Variants in FAM169A observed in about 807,000 individuals in gnomAD.
FAM169A encodes the protein soluble lamin-associated protein of 75 kDa.
In FAM169A, 24 loss-of-function variants were observed where a neutral mutation model predicts 75.7. The ratio of observed to expected loss-of-function variants is 0.32; its 90% confidence interval spans 0.23 to 0.45. FAM169A has a LOEUF of 0.45. Among genes scored for constraint, FAM169A ranks in the 20% least tolerant of loss-of-function variants. The pLI is 1.00. For synonymous variants in FAM169A, 271 were observed against 271.0 expected, an observed-to-expected ratio of 1.00 and a Z score of 0.00; for missense variants, 673 against 784.0, an observed-to-expected ratio of 0.86 and a Z score of 1.69.
chr5:74,799,287 A>G lies in FAM169A; in HGVS notation c.1103+1593T>C, dbSNP rs1376444772. 4.5e-6 allele frequency: 7 copies of G among 1,563,906 alleles called. No homozygotes were observed. The African/African-American group carries it at 9.5e-5, about 21-fold the overall frequency. ...TGATGATCCTGAGAATTAATCGCAC[A>G]GCTACTTTTGTGAAGTGGTCCGCCC... On this transcript the variant is annotated intron_variant, in intron 10 of 12. Transcript: ENST00000687041.
At chr5:74,791,248 C>T (rs1745959726) in intron 11 of FAM169A, among the ~76,000 whole-genome samples, 1 of 152,166 alleles carries the variant, frequency 6.6e-6, no homozygotes, top group African/African-American at 2.4e-5. Flanking sequence ...GCTGGGTATG[C>T]TCTGAATAAG....
At position 74,805,258 on chromosome 5, in the gene FAM169A, G is replaced by T. The variant is rs1427648595; in HGVS notation, c.697C>A (p.Pro233Thr). 1.2e-6 allele frequency: 2 copies of T among 1,613,274 alleles called. No homozygotes were observed. Among genetic ancestry groups the T allele is most frequent in the East Asian group, 4.5e-5 (2 of 44,856 alleles). Reference protein sequence around the residue: ...TACKQYFEKYPGDHELLWEVE... With the variant: ...TACKQYFEKYTGDHELLWEVE... ...TCCCAAAGGAGTTCATGGTCTCCTG[G>T]ATACTTCTCAAAGTATTGCTTGCAA... Residue 233 changes from proline (P) to threonine (T), a missense_variant, in exon 7 of 13, where the codon CCA becomes ACA. This residue lies in a region of FAM169A where 510 missense variants were observed against 550.9 expected (regional missense o/e 0.93). Coordinates refer to ENST00000687041, the MANE Select transcript of FAM169A (RefSeq NM_001376049.1).
chr5:74,805,524 C>CTTTTTTTTTTTTTTTTTTTTTTTTTT lies in FAM169A; in HGVS notation c.671-241_671-240insAAAAAAAAAAAAAAAAAAAAAAAAAA, dbSNP rs1194674402. 4.9e-5 allele frequency among the ~76,000 whole-genome samples: 4 copies of CTTTTTTTTTTTTTTTTTTTTTTTTTT among 81,932 alleles called. 1 individual carries two copies. The highest frequency in any genetic ancestry group is 2.2e-4 in the African/African-American group (4 of 18,424). 53.8% of individuals were successfully genotyped at this position (81,932 alleles called of 152,430 possible). A position where few individuals can be genotyped will look rare whatever the true frequency, so the allele number is the denominator to read the frequency against. ...AAAAATCCTTTAAAAATGTGCTTCG[C>CTTTTTTTTTTTTTTTTTTTTTTTTTT]TTTTTTTTTTTTTTTTTTTTTTTGG... On this transcript the variant is annotated intron_variant, in intron 6 of 12. Coordinates refer to ENST00000687041, the MANE Select transcript of FAM169A (RefSeq NM_001376049.1).
chr5:74,799,933 G>A (rs1746475574), intron 10 of FAM169A: 1 of 841,124 alleles, frequency 1.2e-6, no homozygotes, highest in Non-Finnish European at 2.1e-6. Flanking sequence ...ACGACTGAGG[G>A]CTCCAACATG....
At chr5:74,858,178 G>A (rs1488889084) in intron 1 of FAM169A, among the ~76,000 whole-genome samples, 1 of 151,822 alleles carries the variant, frequency 6.6e-6, no homozygotes, top group East Asian at 1.9e-4. Flanking sequence ...ACGAGATCAG[G>A]AGTTTGAGAC....
At chr5:74,841,099 A>G (rs1277104445) in intron 2 of FAM169A, among the ~76,000 whole-genome samples, 1 of 152,226 alleles carries the variant, frequency 6.6e-6, no homozygotes, top group Non-Finnish European at 1.5e-5. Context: ...TAATGGTTCC[A>G]AGTCTAATGA....
intron 2 of FAM169A, 86 bp downstream of exon 2, chr5:74,841,457 CTT>C: frequency 9.5e-7 from 1 of 1,047,132 alleles, no homozygotes; most frequent in South Asian, 2.3e-5. Context: ...ATGATTAACA[CTT>C]AAAATGATTT....
intron 5 of FAM169A, among the ~76,000 whole-genome samples, chr5:74,818,799 C>CTATATATA (rs1171146661): frequency 1.2e-4 from 15 of 125,974 alleles, no homozygotes; most frequent in South Asian, 2.5e-4. Context: ...CTCTCTCTCT[C>CTATATATA]TCTCTATATA....
At chr5:74,810,475 C>T (rs556021209) in intron 6 of FAM169A, among the ~76,000 whole-genome samples, 26 of 152,048 alleles carry the variant, frequency 1.7e-4, no homozygotes, top group Non-Finnish European at 3.2e-4. Flanking sequence ...GTAGGCTGGG[C>T]GCGGTGGCTC....
chr5:74,805,391 C>T (rs553088869), intron 6 of FAM169A, 107 bp from the exon 7 acceptor site: 8 of 895,584 alleles, frequency 8.9e-6, no homozygotes, highest in Non-Finnish European at 1.3e-5. Flanking sequence ...CTAGCATAAC[C>T]TTGATACCAA....
intron 5 of FAM169A, among the ~76,000 whole-genome samples, chr5:74,826,442 T>C (rs191015511): frequency 1.3e-5 from 2 of 152,294 alleles, no homozygotes; most frequent in South Asian, 2.1e-4. Context: ...AGGGGAACCA[T>C]TTATATTGGT....
rs1322382544 is a variant in FAM169A at position 74,778,666 on chromosome 5, T to C, written c.*2794A>G. 3 of 152,098 alleles carry C rather than the reference T, an allele frequency of 2.0e-5. No individual in the cohort carries two copies. Among genetic ancestry groups the C allele is most frequent in the East Asian group, 3.8e-4 (2 of 5,198 alleles). 9.4% of individuals were successfully genotyped at this position (152,098 alleles called of 1,614,324 possible). On this transcript the variant is annotated 3_prime_UTR_variant, in exon 13 of 13. Transcript: ENST00000687041. Reference sequence around the variant, plus strand: ...GAGCTTTATAATAAATTCTTAAATATACTAATTTCTGTGATGTCTAGCAAT... The same window carrying C: ...GAGCTTTATAATAAATTCTTAAATACACTAATTTCTGTGATGTCTAGCAAT...
chr5:74,784,704 G>A (rs1172580468), intron 11 of FAM169A, among the ~76,000 whole-genome samples: 1 of 149,776 alleles, frequency 6.7e-6, no homozygotes, highest in Non-Finnish European at 1.5e-5. Flanking sequence ...GGATCACAAG[G>A]TCAGGAGATC....
chr5:74,799,852 A>G, intron 10 of FAM169A: 3 of 1,018,030 alleles, frequency 2.9e-6, no homozygotes, highest in South Asian at 2.5e-5. Context: ...TCCAAGTTAG[A>G]CATTCCAAAA....
At chr5:74,845,747 A>G (rs902862978) in intron 1 of FAM169A, among the ~76,000 whole-genome samples, 2 of 152,208 alleles carry the variant, frequency 1.3e-5, no homozygotes, top group East Asian at 3.8e-4. Context: ...TTTGCAGCCA[A>G]CTTTTCAAAA....
At chr5:74,797,953 C>T (rs1746364671) in intron 10 of FAM169A, among the ~76,000 whole-genome samples, 1 of 152,140 alleles carries the variant, frequency 6.6e-6, no homozygotes, top group African/African-American at 2.4e-5. Flanking sequence ...GCATGGGTGT[C>T]TTACAAAAAA....
Position 74,781,975 on chromosome 5 carries a change from C to T in FAM169A, c.1498G>A (p.Asp500Asn), listed in dbSNP as rs752927250. 3 of 1,613,138 alleles carry T rather than the reference C, an allele frequency of 1.9e-6. No individual in the cohort carries two copies. In the South Asian group the frequency reaches 3.3e-5, roughly 18 times the overall value. Residue 500 changes from aspartate (D) to asparagine (N), a missense_variant, in exon 13 of 13, where the codon GAT (aspartate) becomes AAT (asparagine). Physicochemically the swap from Asp to Asn is conservative, Grantham distance 23. Coordinates refer to ENST00000687041, the MANE Select transcript of FAM169A (RefSeq NM_001376049.1). Reference protein sequence around the residue: ...PRIPDSEMLMDEGTSDEKGHM... With the variant: ...PRIPDSEMLMNEGTSDEKGHM... Reference sequence around the variant, plus strand: ...CCCTTTTCATCAGATGTGCCTTCATCCATCAACATTTCTGAGTCAGGTATA... The same window carrying T: ...CCCTTTTCATCAGATGTGCCTTCATTCATCAACATTTCTGAGTCAGGTATA...
At chr5:74,799,257 A>G in intron 10 of FAM169A, 1 of 1,514,692 alleles carries the variant, frequency 6.6e-7, no homozygotes, top group Admixed American at 1.7e-5. Flanking sequence ...TCTGGAAGCC[A>G]ACACTGATGA....
At chr5:74,814,769 T>C (rs545059168) in intron 5 of FAM169A, among the ~76,000 whole-genome samples, 8 of 152,354 alleles carry the variant, frequency 5.3e-5, no homozygotes, top group African/African-American at 1.4e-4. Context: ...ACCATTCCAA[T>C]AGATGTATTA....
Sources: gnomAD v4.1 joint callset for allele counts (sites outside exome capture counted in the v4.1 genomes callset) on GRCh38, gnomAD v4.1.1 for gene constraint, gnomAD v4.1.1 regional missense constraint, MANE v1.5 for transcripts, NCBI Gene and HGNC (gene_info 2026-07-23, HGNC 2026-07-21) for gene names.